SH2B2: variants seen among roughly 807,000 people sequenced by gnomAD.
The protein encoded by SH2B2 is SH2B adapter protein 2.
A neutral mutation model predicts 35.7 loss-of-function variants in SH2B2; 37 were observed. The observed-to-expected ratio is 1.04, with a 90% CI of 0.80 to 1.36. The LOEUF (loss-of-function observed/expected upper bound fraction) is 1.36. SH2B2 is among the 40% of genes most tolerant of loss of function. The probability of loss-of-function intolerance (pLI) is 0.00; values close to 1 mark genes in which losing one functional copy is unlikely to be tolerated. For missense variants in SH2B2, 852 were observed against 817.7 expected (o/e 1.04, Z -0.51); for synonymous variants, 383 against 376.4 (o/e 1.02, Z -0.20).
chr7:102,320,872 G>A lies in SH2B2; in HGVS notation c.1567+370G>A, dbSNP rs181314292. Among the ~76,000 whole-genome samples the A allele has an allele frequency of 2.5e-3, 384 of 152,254 alleles. 2 individuals carry two copies. The highest frequency in any genetic ancestry group is 8.9e-3 in the African/African-American group (371 of 41,572). The stretch of plus-strand genomic sequence containing the variant: ...GGGAGGCTCAGAGCAAAGCTGCTGG[G>A]ACCGAGCACTAAGGGCATGGGTGCA... On this transcript the variant is annotated intron_variant, in intron 8 of 8. Transcript: ENST00000444095.
chr7:102,309,765 T>C, intron 4 of SH2B2: 1 of 154,690 alleles, frequency 6.5e-6, no homozygotes, highest in Non-Finnish European at 1.4e-5. Flanking sequence ...CGTGCTCACC[T>C]AACCCAAGGC....
chr7:102,288,068 G>A (rs951537829), intron 1 of SH2B2, among the ~76,000 whole-genome samples: 10 of 152,150 alleles, frequency 6.6e-5, no homozygotes, highest in African/African-American at 2.4e-4. Context: ...CCTGGCTAAG[G>A]GACCGGCAAC....
chr7:102,313,449 A>AAAAC (rs1344042062), intron 4 of SH2B2, among the ~76,000 whole-genome samples: 4 of 152,104 alleles, frequency 2.6e-5, no homozygotes, highest in African/African-American at 4.8e-5. Context: ...CTCCCATCTC[A>AAAAC]AAACAAACAA....
intron 7 of SH2B2, among the ~76,000 whole-genome samples, chr7:102,317,725 CAT>C (rs545218478): frequency 9.2e-4 from 140 of 152,282 alleles, no homozygotes; most frequent in African/African-American, 3.3e-3. Context: ...CGGGGGATCT[CAT>C]AGCACTGGAG....
intron 3 of SH2B2, 150 bp from the exon 4 acceptor site, chr7:102,308,665 G>A: frequency 2.9e-6 from 2 of 678,084 alleles, no homozygotes; most frequent in South Asian, 3.3e-5. Context: ...GTGCCCGATG[G>A]TGACCCCACT....
In SH2B2 at chr7:102,308,877, A is replaced by G. The variant is rs368206311; in HGVS notation, c.894A>G (p.Val298=). 601 of 1,613,716 alleles carry G rather than the reference A, an allele frequency of 3.7e-4. 4 individuals carry two copies. In the South Asian group the frequency reaches 4.7e-3, roughly 12 times the overall value. Residue 298 remains valine, a synonymous_variant, in exon 4 of 9, where the codon GTA becomes GTG. Coordinates refer to ENST00000444095, the MANE Select transcript of SH2B2 (RefSeq NM_001359228.2). ...ACTCTCTGCAGAAGCACTCGTGGGT[A>G]GCTGACATCCAGGGCTGCGTGGACC... is the stretch of plus-strand genomic sequence containing the variant. The part of the protein sequence containing the change: ...TIDSLQKHSW[V]ADIQGCVDPG...
At chr7:102,294,454 C>T (rs1476094024) in intron 1 of SH2B2, among the ~76,000 whole-genome samples, 1 of 152,212 alleles carries the variant, frequency 6.6e-6, no homozygotes, top group Non-Finnish European at 1.5e-5. Flanking sequence ...CCCGCCCTGC[C>T]CATGCCTGCA....
At chr7:102,306,531 A>G (rs1586587514) in intron 2 of SH2B2, among the ~76,000 whole-genome samples, 190 bp from the exon 3 acceptor site, 1 of 152,184 alleles carries the variant, frequency 6.6e-6, no homozygotes. Context: ...GCCAGGAAAA[A>G]TTTCTTTCTT....
At chr7:102,317,139 C>G in intron 6 of SH2B2, 48 bp from the exon 7 acceptor site, 3 of 1,430,998 alleles carry the variant, frequency 2.1e-6, no homozygotes, top group East Asian at 5.1e-5. Flanking sequence ...TTATTTGTCC[C>G]CCTTTCTCCT....
chr7:102,289,485 T>C (rs1792590932), intron 1 of SH2B2, among the ~76,000 whole-genome samples: 1 of 152,008 alleles, frequency 6.6e-6, no homozygotes, highest in African/African-American at 2.4e-5. Flanking sequence ...AGGCAGGAGT[T>C]GGAGGAAGAG....
At chr7:102,304,656 G>A (rs1224427750) in intron 2 of SH2B2, among the ~76,000 whole-genome samples, 1 of 152,208 alleles carries the variant, frequency 6.6e-6, no homozygotes, top group Non-Finnish European at 1.5e-5. Flanking sequence ...GCTGGACCAG[G>A]ACTGACGGAC....
chr7:102,303,172 A>G (rs571086553), intron 2 of SH2B2, among the ~76,000 whole-genome samples: 6 of 151,912 alleles, frequency 3.9e-5, no homozygotes, highest in Admixed American at 3.9e-4. Context: ...AGCCGAGATC[A>G]CGCCATTGCA....
At position 102,300,808 on chromosome 7, in the gene SH2B2, G is replaced by A; in HGVS notation, c.258G>A (p.Thr86=). Residue 86 remains threonine (T), a synonymous_variant, in exon 2 of 9, where the codon ACG becomes ACA. Coordinates refer to ENST00000444095, the MANE Select transcript of SH2B2 (RefSeq NM_001359228.2). ...GCCGCGTGCTGGTGGCTGGGCCGAC[G>A]ACTCGGGGCGCGGCCGTGAGCGCAG... ...EVRRVLVAGP[T]TRGAAVSAEA... is the part of the protein sequence containing the mutation. The A allele has an allele frequency of 4.0e-6, 6 of 1,489,968 alleles. No individual in the cohort carries two copies. The highest frequency in any genetic ancestry group is 5.4e-6 in the Non-Finnish European group (6 of 1,115,710). 92.3% of individuals were successfully genotyped at this position (1,489,968 alleles called of 1,614,324 possible). A position where few individuals can be genotyped will look rare whatever the true frequency, so the allele number is the denominator to read the frequency against.
intron 1 of SH2B2, among the ~76,000 whole-genome samples, chr7:102,295,169 T>C (rs1554552352): frequency 6.6e-6 from 1 of 152,168 alleles, no homozygotes; most frequent in African/African-American, 2.4e-5. Flanking sequence ...GATTGATGTC[T>C]AGGACTCGGC....
chr7:102,297,840 T>TA lies in SH2B2; in HGVS notation c.-29-2681dup, dbSNP rs1447232276. Among the ~76,000 whole-genome samples, 1 of 151,984 alleles carries TA rather than the reference T, an allele frequency of 6.6e-6. No individual in the cohort carries two copies. Among genetic ancestry groups the TA allele is most frequent in the Non-Finnish European group, 1.5e-5 (1 of 68,008 alleles). The stretch of plus-strand genomic sequence containing the variant: ...CACAACCAAGCAACTAAATATATGA[T>TA]ATGACAGCCGGCAATAAGGATAATG... On this transcript the variant is annotated intron_variant, in intron 1 of 8. Transcript: ENST00000444095. The surrounding 1 kb of genome is among the most constrained non-coding windows in gnomAD (Gnocchi z 4.3).
chr7:102,296,643 G>C (rs1792930364), intron 1 of SH2B2, among the ~76,000 whole-genome samples: 1 of 152,230 alleles, frequency 6.6e-6, no homozygotes, highest in Admixed American at 6.5e-5. Context: ...GAGGGGCCTG[G>C]GAATAAGAGG....
At chr7:102,311,930 A>G (rs1362527379) in intron 4 of SH2B2, among the ~76,000 whole-genome samples, 1 of 151,542 alleles carries the variant, frequency 6.6e-6, no homozygotes, top group Non-Finnish European at 1.5e-5. Flanking sequence ...TGCAAAAATT[A>G]GCTGGAGGTG....
At chr7:102,306,260 A>G (rs1793394912) in intron 2 of SH2B2, among the ~76,000 whole-genome samples, 1 of 151,822 alleles carries the variant, frequency 6.6e-6, no homozygotes, top group East Asian at 1.9e-4. Flanking sequence ...CTAATTTTGT[A>G]TATTTTTTAG....
chr7:102,285,448 A>G (rs1036230631), upstream of SH2B2, among the ~76,000 whole-genome samples: 5 of 152,144 alleles, frequency 3.3e-5, no homozygotes, highest in Admixed American at 6.5e-5. Flanking sequence ...GGGCTGGCCC[A>G]CTGCCGAAGC....
Sources: gnomAD v4.1 joint callset for allele counts (sites outside exome capture counted in the v4.1 genomes callset) on GRCh38, gnomAD v4.1.1 for gene constraint, Gnocchi (gnomAD v3.1) non-coding constraint, MANE v1.5 for transcripts, NCBI Gene and HGNC (gene_info 2026-07-23, HGNC 2026-07-21) for gene names.